CCDC91: variants seen among roughly 807,000 people sequenced by gnomAD.
CCDC91 encodes the protein coiled-coil domain-containing protein 91.
A neutral mutation model predicts 63.2 loss-of-function variants in CCDC91; 48 were observed. That is an observed-to-expected ratio of 0.76 (90% confidence interval 0.60 to 0.97). The LOEUF (loss-of-function observed/expected upper bound fraction) is 0.97, where lower values mean the gene tolerates loss of function less well. Among genes scored for constraint, CCDC91 ranks in the 50% least tolerant of loss-of-function variants. The pLI is 0.00. For synonymous variants in CCDC91, 167 were observed against 165.8 expected (o/e 1.01, Z -0.06); for missense variants, 500 against 494.6 (o/e 1.01, Z -0.10).
intron 6 of CCDC91, among the ~76,000 whole-genome samples, chr12:28,310,368 T>G (rs1429579569): frequency 6.6e-6 from 1 of 152,066 alleles, no homozygotes. Flanking sequence ...AAATGCTATC[T>G]GGCATTATCA....
At chr12:28,475,384 A>G (rs1160285588) in intron 11 of CCDC91, among the ~76,000 whole-genome samples, 1 of 152,100 alleles carries the variant, frequency 6.6e-6, no homozygotes, top group Admixed American at 6.6e-5. Context: ...TCATGAAAAT[A>G]TTTTGGTAGC....
intron 11 of CCDC91, among the ~76,000 whole-genome samples, chr12:28,477,594 A>G (rs1951177405): frequency 6.6e-6 from 1 of 152,206 alleles, no homozygotes; most frequent in African/African-American, 2.4e-5. Context: ...TCTATTGAAC[A>G]TAGTGTTGGA....
At chr12:28,365,197 A>G (rs539447755) in intron 7 of CCDC91, among the ~76,000 whole-genome samples, 1 of 152,200 alleles carries the variant, frequency 6.6e-6, no homozygotes. Flanking sequence ...GTGCTAAGTA[A>G]TGGCGCTGGA....
At chr12:28,460,809 G>A (rs1950269442) in intron 11 of CCDC91, among the ~76,000 whole-genome samples, 1 of 152,082 alleles carries the variant, frequency 6.6e-6, no homozygotes, top group African/African-American at 2.4e-5. Context: ...GTGTGTGTGT[G>A]TGTATATATA....
intron 8 of CCDC91, among the ~76,000 whole-genome samples, chr12:28,409,909 T>A (rs779618494): frequency 7.9e-5 from 12 of 152,178 alleles, no homozygotes; most frequent in Non-Finnish European, 1.6e-4. Context: ...AACATACTTA[T>A]GTGGTTTGAA....
chr12:28,371,357 A>G (rs2138828953), intron 7 of CCDC91, among the ~76,000 whole-genome samples: 1 of 152,264 alleles, frequency 6.6e-6, no homozygotes, highest in East Asian at 1.9e-4. Flanking sequence ...CATGCTCCTT[A>G]TGAGAATCTA....
intron 3 of CCDC91, among the ~76,000 whole-genome samples, chr12:28,284,308 C>T (rs1466984799): frequency 2.6e-5 from 4 of 152,238 alleles, no homozygotes; most frequent in African/African-American, 9.6e-5. Flanking sequence ...GCACCCTTTG[C>T]TTTCACCCTT....
At position 28,200,618 on chromosome 12, in the gene CCDC91, C is replaced by CA. The variant is rs1487239987; in HGVS notation, c.-15+9978dup. On this transcript the variant is annotated intron_variant, in intron 1 of 12. Coordinates refer to ENST00000536442, the MANE Select transcript of CCDC91 (RefSeq NM_018318.5). ...GGTTGGGGGTAAGGTCACAGATCAA[C>CA]AGGATAAGAATTTTTCTTAGTACAG... Among the ~76,000 whole-genome samples the CA allele has an allele frequency of 7.3e-5, 11 of 150,314 alleles. No homozygotes were observed. The East Asian group carries it at 1.2e-3, about 16-fold the overall frequency.
chr12:28,441,757 T>TC (rs1949237302), intron 8 of CCDC91, among the ~76,000 whole-genome samples: 1 of 150,562 alleles, frequency 6.6e-6, no homozygotes, highest in African/African-American at 2.4e-5. Context: ...CTCATATATA[T>TC]ATGTATATGT....
At chr12:28,269,924 CT>C (rs1947627240) in intron 3 of CCDC91, among the ~76,000 whole-genome samples, 1 of 151,832 alleles carries the variant, frequency 6.6e-6, no homozygotes, top group Non-Finnish European at 1.5e-5. Flanking sequence ...AGTCCCAATT[CT>C]GATTTTTGTA....
intron 3 of CCDC91, among the ~76,000 whole-genome samples, chr12:28,296,134 A>T (rs1383628530): frequency 6.6e-6 from 1 of 151,488 alleles, no homozygotes; most frequent in Non-Finnish European, 1.5e-5. Context: ...AAATTTTTTT[A>T]AATTTTATTT....
chr12:28,193,159 C>T (rs373502777), intron 1 of CCDC91, among the ~76,000 whole-genome samples: 1 of 152,264 alleles, frequency 6.6e-6, no homozygotes, highest in East Asian at 1.9e-4. Flanking sequence ...CAATTTTTGG[C>T]ATTTAGGAAT....
At chr12:28,518,735 T>C (rs532831093) in intron 12 of CCDC91, among the ~76,000 whole-genome samples, 1 of 152,182 alleles carries the variant, frequency 6.6e-6, no homozygotes, top group East Asian at 1.9e-4. Context: ...CTTAAGCTAA[T>C]GTCTAGAAGG....
chr12:28,333,243 A>G (rs548084858), intron 6 of CCDC91, among the ~76,000 whole-genome samples: 1 of 151,906 alleles, frequency 6.6e-6, no homozygotes, highest in Admixed American at 6.6e-5. Flanking sequence ...AAAATACAAA[A>G]AATTAGCCAG....
At chr12:28,316,860 G>T (rs1265313959) in intron 6 of CCDC91, among the ~76,000 whole-genome samples, 1 of 151,324 alleles carries the variant, frequency 6.6e-6, no homozygotes, top group Admixed American at 6.6e-5. Context: ...TCTCTCTATT[G>T]TCTCTGGTTT....
chr12:28,316,289 C>T (rs1238320375), intron 6 of CCDC91, among the ~76,000 whole-genome samples: 1 of 151,650 alleles, frequency 6.6e-6, no homozygotes, highest in Admixed American at 6.6e-5. Context: ...CTTTACTTGA[C>T]TCCTTTTTAT....
At position 28,402,520 on chromosome 12, in the gene CCDC91, ATTTTTTTTTT is replaced by A. The variant is rs57398967; in HGVS notation, c.762+11124_762+11133del. ...GCTGAATCACTTATTAGTTCCAGGA[ATTTTTTTTTT>A]TTTTTTTTTTTTTTGTCTACTCTTT... On this transcript the variant is annotated intron_variant, in intron 8 of 12. Coordinates refer to ENST00000536442, the MANE Select transcript of CCDC91 (RefSeq NM_018318.5). Among the ~76,000 whole-genome samples, 56 of 51,946 alleles carry A rather than the reference ATTTTTTTTTT, an allele frequency of 1.1e-3. 1 individual carries two copies. Among genetic ancestry groups the A allele is most frequent in the South Asian group, 2.9e-3 (3 of 1,038 alleles). 34.1% of individuals were successfully genotyped at this position (51,946 alleles called of 152,430 possible).
chr12:28,305,924 A>G (rs1040243508), intron 4 of CCDC91, 118 bp downstream of exon 4: 39 of 804,362 alleles, frequency 4.8e-5, no homozygotes, highest in Non-Finnish European at 7.0e-5. Flanking sequence ...TATTTCTGCA[A>G]TAGATATTCT....
chr12:28,415,969 G>GT (rs71039895), intron 8 of CCDC91, among the ~76,000 whole-genome samples: 32,220 of 148,508 alleles, frequency 0.22, 4,169 homozygotes, highest in Non-Finnish European at 0.31. Context: ...TGAGGAATGT[G>GT]TTTTTTTTTT....
Sources: gnomAD v4.1 joint callset for allele counts (sites outside exome capture counted in the v4.1 genomes callset) on GRCh38, gnomAD v4.1.1 for gene constraint, MANE v1.5 for transcripts, NCBI Gene and HGNC (gene_info 2026-07-23, HGNC 2026-07-21) for gene names.